Variants in NELL1 observed in about 807,000 individuals in gnomAD.
NELL1 encodes the protein neural EGFL like 1, also known as protein kinase C-binding protein NELL1.
NELL1 carries 76 observed loss-of-function variants against 107.4 expected under a neutral mutation model. The observed-to-expected ratio is 0.71, with a 90% CI of 0.59 to 0.86. The LOEUF is 0.86. Ranked by LOEUF, NELL1 falls within the 40% of genes least tolerant of loss-of-function variation. The pLI, the probability that NELL1 is intolerant of heterozygous loss-of-function variation, is 0.00. For synonymous variants in NELL1, 353 were observed against 341.2 expected (o/e 1.03, Z -0.38); for missense variants, 1,024 against 1,005.5 (o/e 1.02, Z -0.25).
intron 12 of NELL1, among the ~76,000 whole-genome samples, chr11:21,044,490 G>A (rs1853310122): frequency 6.6e-6 from 1 of 152,132 alleles, no homozygotes; most frequent in African/African-American, 2.4e-5. Context: ...GGGACAAATG[G>A]AAATTTGTTT....
intron 15 of NELL1, among the ~76,000 whole-genome samples, chr11:21,468,938 T>C (rs979050972): frequency 6.6e-6 from 1 of 152,042 alleles, no homozygotes; most frequent in Non-Finnish European, 1.5e-5. Flanking sequence ...TCTGAAATAG[T>C]GCTACTCTGC....
intron 3 of NELL1, among the ~76,000 whole-genome samples, chr11:20,821,233 C>G (rs768205784): frequency 6.6e-6 from 1 of 152,096 alleles, no homozygotes; most frequent in Non-Finnish European, 1.5e-5. Context: ...GACAAAGGCA[C>G]GATGCATTAC....
In NELL1 at chr11:21,169,776, CCCTCCTG is replaced by C. The variant is rs572007187; in HGVS notation, c.1426+56065_1426+56071del. 4.7e-4 allele frequency: 595 copies of C among 1,276,908 alleles called. 12 individuals are homozygous for C. The African/African-American group carries it at 8.2e-3, about 18-fold the overall frequency. The allele number at this position is 1,276,908 out of a possible 1,614,324, so 79.1% of individuals were successfully genotyped here. On this transcript the variant is annotated intron_variant, in intron 13 of 19. Transcript: ENST00000357134. ...CTAGGCATTGAGGTGGCGGTGGAGTCCCTCCTGCCGGGCACCCGGAGAGTGGGACAGA... is the reference window on the plus strand; with the variant it reads ...CTAGGCATTGAGGTGGCGGTGGAGTCCCGGGCACCCGGAGAGTGGGACAGA...
intron 14 of NELL1, among the ~76,000 whole-genome samples, chr11:21,355,468 A>G (rs1590864140): frequency 1.3e-5 from 2 of 152,214 alleles, no homozygotes; most frequent in East Asian, 3.9e-4. Flanking sequence ...TGACCTGATT[A>G]TACAGATAAG....
chr11:20,942,934 A>G (rs552607523), intron 10 of NELL1, among the ~76,000 whole-genome samples: 23 of 152,330 alleles, frequency 1.5e-4, no homozygotes, highest in African/African-American at 5.3e-4. Flanking sequence ...AGCCAGGCAG[A>G]CACCATTTGA....
intron 18 of NELL1, among the ~76,000 whole-genome samples, chr11:21,571,910 ATT>A (rs1019581638): frequency 1.3e-5 from 2 of 151,866 alleles, no homozygotes; most frequent in Non-Finnish European, 2.9e-5. Flanking sequence ...AATGATTCTC[ATT>A]TTATGGGTAC....
At chr11:20,872,733 C>T (rs1849228853) in intron 4 of NELL1, among the ~76,000 whole-genome samples, 1 of 144,358 alleles carries the variant, frequency 6.9e-6, no homozygotes, top group African/African-American at 2.5e-5. Flanking sequence ...TGTACAAAGA[C>T]TTCATGGAGA....
intron 14 of NELL1, among the ~76,000 whole-genome samples, chr11:21,359,778 T>C (rs1261928050): frequency 6.6e-6 from 1 of 152,148 alleles, no homozygotes; most frequent in Admixed American, 6.5e-5. Context: ...TTGTGTGCAT[T>C]AGGTGTTCAC....
At chr11:21,251,806 A>G (rs1858644998) in intron 14 of NELL1, among the ~76,000 whole-genome samples, 1 of 152,052 alleles carries the variant, frequency 6.6e-6, no homozygotes, top group South Asian at 2.1e-4. Flanking sequence ...GGAGTTGGAA[A>G]TATTCAATGA....
intron 5 of NELL1, among the ~76,000 whole-genome samples, chr11:20,894,518 G>A (rs540015393): frequency 6.6e-6 from 1 of 152,132 alleles, no homozygotes; most frequent in African/African-American, 2.4e-5. Context: ...GTAAACAAAG[G>A]GGATGGTATC....
chr11:21,295,961 G>A (rs1042277065), intron 14 of NELL1, among the ~76,000 whole-genome samples: 1 of 152,010 alleles, frequency 6.6e-6, no homozygotes, highest in African/African-American at 2.4e-5. Flanking sequence ...GTCTACTGAT[G>A]AAGACTCTCA....
chr11:21,353,053 C>T (rs967878752), intron 14 of NELL1, among the ~76,000 whole-genome samples: 2 of 152,124 alleles, frequency 1.3e-5, no homozygotes, highest in Non-Finnish European at 2.9e-5. Flanking sequence ...AGCTGAGAGT[C>T]TGAGTTGAGA....
intron 14 of NELL1, among the ~76,000 whole-genome samples, chr11:21,266,112 C>A (rs1415732346): frequency 6.6e-6 from 1 of 151,992 alleles, no homozygotes; most frequent in African/African-American, 2.4e-5. Context: ...GCAGTCAGTT[C>A]ATCTATGCAC....
At chr11:21,413,626 C>CTG (rs1852432335) in intron 15 of NELL1, among the ~76,000 whole-genome samples, 1 of 152,052 alleles carries the variant, frequency 6.6e-6, no homozygotes, top group Non-Finnish European at 1.5e-5. Flanking sequence ...GCTTCAGGTT[C>CTG]TGTCCTTATT....
intron 16 of NELL1, among the ~76,000 whole-genome samples, chr11:21,550,779 C>T (rs1189596894): frequency 6.6e-6 from 1 of 152,070 alleles, no homozygotes; most frequent in Non-Finnish European, 1.5e-5. Flanking sequence ...TAGCGTGATG[C>T]CTCCAGCTTT....
intron 15 of NELL1, among the ~76,000 whole-genome samples, chr11:21,427,731 T>C (rs1852861484): frequency 6.6e-6 from 1 of 152,106 alleles, no homozygotes; most frequent in Non-Finnish European, 1.5e-5. Context: ...CACACAAAAA[T>C]GTTGGTTTCT....
rs1401506292 is a variant in NELL1, at chr11:21,228,723, T to C, written c.1427-609T>C. ...CCTTCCCTCCCCTCCCACCCCTCCT[T>C]CCCTCCCCTCCCTCCCCTCCCCTGC... On this transcript the variant is annotated intron_variant, in intron 13 of 19. Transcript: ENST00000357134. Among the ~76,000 whole-genome samples, 19 of 5,992 alleles carry C rather than the reference T, an allele frequency of 3.2e-3. 1 individual carries two copies. The highest frequency in any genetic ancestry group is 6.0e-3 in the Non-Finnish European group (18 of 2,978). 3.9% of individuals were successfully genotyped at this position (5,992 alleles called of 152,430 possible).
chr11:20,842,753 A>C (rs1318064160), intron 3 of NELL1, among the ~76,000 whole-genome samples: 1 of 152,242 alleles, frequency 6.6e-6, no homozygotes, highest in African/African-American at 2.4e-5. Flanking sequence ...CGAGGATTAC[A>C]TGAGTAAATA....
At chr11:21,491,508 A>G (rs994238714) in intron 15 of NELL1, among the ~76,000 whole-genome samples, 1 of 152,124 alleles carries the variant, frequency 6.6e-6, no homozygotes, top group Non-Finnish European at 1.5e-5. Flanking sequence ...AGATAGTTGT[A>G]GATAAGCGGC....
Sources: gnomAD v4.1 joint callset for allele counts (sites outside exome capture counted in the v4.1 genomes callset) on GRCh38, gnomAD v4.1.1 for gene constraint, MANE v1.5 for transcripts, NCBI Gene and HGNC (gene_info 2026-07-23, HGNC 2026-07-21) for gene names.